The following TXN2 variants were observed in gnomAD, a reference collection of about 807,000 sequenced individuals.
TXN2 encodes the protein thioredoxin 2, also known as thioredoxin, mitochondrial.
A neutral mutation model predicts 14.6 loss-of-function variants in TXN2; 12 were observed. The observed-to-expected ratio is 0.82, with a 90% confidence interval of 0.53 to 1.33. The LOEUF is 1.33. TXN2 is among the 40% of genes most tolerant of loss of function. The pLI is 0.00. For missense variants in TXN2, 173 were observed against 207.7 expected (o/e 0.83, Z 1.03); for synonymous variants, 89 against 81.0 (o/e 1.10, Z -0.53).
intron 2 of TXN2, among the ~76,000 whole-genome samples, chr22:36,479,018 T>C (rs527782385): frequency 1.3e-5 from 2 of 151,640 alleles, no homozygotes; most frequent in Admixed American, 6.6e-5. Flanking sequence ...TCCTAGCACT[T>C]TGGGAGGCCA....
intron 3 of TXN2, among the ~76,000 whole-genome samples, chr22:36,474,447 G>A (rs1912777273): frequency 6.6e-6 from 1 of 152,160 alleles, no homozygotes; most frequent in African/African-American, 2.4e-5. Flanking sequence ...TTCAGGGATG[G>A]GTGCCTCTAT....
chr22:36,469,959 C>G (rs1037744353), intron 3 of TXN2, among the ~76,000 whole-genome samples: 3 of 152,036 alleles, frequency 2.0e-5, no homozygotes, highest in East Asian at 1.9e-4. Flanking sequence ...CTGTTCCCCC[C>G]CTCAAAATAA....
intron 3 of TXN2, among the ~76,000 whole-genome samples, chr22:36,469,561 G>A (rs1156347739): frequency 6.6e-6 from 1 of 152,174 alleles, no homozygotes; most frequent in Non-Finnish European, 1.5e-5. Context: ...AGGTTATGTG[G>A]AACGTGGATG....
At chr22:36,469,057 AATAAATAAATAAATAC>A (rs1182691694) in intron 3 of TXN2, among the ~76,000 whole-genome samples, 10 of 148,174 alleles carry the variant, frequency 6.7e-5, no homozygotes, top group African/African-American at 2.6e-4. Flanking sequence ...TAAATAAATA[AATAAATAAATAAATAC>A]ATAAATAAAG....
intron 2 of TXN2, among the ~76,000 whole-genome samples, chr22:36,478,156 A>G (rs1361528395): frequency 6.9e-6 from 1 of 144,752 alleles, no homozygotes; most frequent in African/African-American, 2.5e-5. Flanking sequence ...AAAAAAAAAG[A>G]GAAAGTGTTT....
rs368576238 is a variant in TXN2 at position 36,480,773 on chromosome 22, C to A, written c.65G>T (p.Gly22Val). ...TCTGGAAGTGAGGGGTGGCCACTGA[C>A]CCTGAGAGGGCTTCCTGGAGATGAC... ...ASVISRKPSQ[G>V]QWPPLTSRAL... The change falls in exon 2 of 4, where the codon GGT becomes GTT. Residue 22 changes from glycine to valine, a missense_variant. Physicochemically the swap from Gly to Val is moderately radical, Grantham distance 109. Coordinates refer to ENST00000216185, the MANE Select transcript of TXN2 (RefSeq NM_012473.4). The A allele has an allele frequency of 1.9e-6, 3 of 1,612,828 alleles. No individual in the cohort carries two copies. Among genetic ancestry groups the A allele is most frequent in the Non-Finnish European group, 2.5e-6 (3 of 1,179,244 alleles).
chr22:36,476,233 GAA>G (rs1933382636), intron 3 of TXN2, among the ~76,000 whole-genome samples: 1 of 152,180 alleles, frequency 6.6e-6, no homozygotes, highest in African/African-American at 2.4e-5. Flanking sequence ...TAAAGGTGGT[GAA>G]GAGAGACAGG....
intron 3 of TXN2, among the ~76,000 whole-genome samples, chr22:36,474,114 G>T (rs2145823417): frequency 6.6e-6 from 1 of 152,330 alleles, no homozygotes; most frequent in East Asian, 1.9e-4. Context: ...AGCCAGGCAG[G>T]GGAAAGCCAG....
rs1474419515 is a variant in TXN2, at chr22:36,480,615, C to T, written c.223G>A (p.Val75Ile). The T allele has an allele frequency of 6.2e-7, 1 of 1,614,088 alleles. No homozygotes were observed. Among genetic ancestry groups the T allele is most frequent in the Admixed American group, 1.7e-5 (1 of 60,024 alleles). Residue 75 changes from valine (V) to isoleucine (I), a missense_variant, in exon 2 of 4, where the codon GTC (valine) becomes ATC (isoleucine). By Grantham distance (29) the Val-to-Ile change is conservative. Transcript: ENST00000216185. The stretch of plus-strand genomic sequence containing the variant: ...ACAACCACTGGTGTCTCACTGTTGA[C>T]CACTCGGTCTTGAAAGTCAGGTCCA... ...QDGPDFQDRV[V>I]NSETPVVVDF... is the part of the protein sequence containing the mutation.
At position 36,467,809 on chromosome 22, in the gene TXN2, C is replaced by T. The variant is rs750300163; in HGVS notation, c.496G>A (p.Gly166Ser). 6.2e-7 allele frequency: 1 copy of T among 1,613,444 alleles called. No individual in the cohort carries two copies. ...CCAGGACTCATCCCTGCTTGTCAGC[C>T]AATCAGCTTCTTCAGGAAGGCCTCC... Reference protein sequence around the residue: ...QLEAFLKKLIG With the variant: ...QLEAFLKKLIS Residue 166 changes from glycine (G) to serine (S), a missense_variant, in exon 4 of 4, where the codon GGC becomes AGC. Coordinates refer to ENST00000216185, the MANE Select transcript of TXN2 (RefSeq NM_012473.4).
chr22:36,474,705 G>A (rs1933350864), intron 3 of TXN2, among the ~76,000 whole-genome samples: 1 of 152,190 alleles, frequency 6.6e-6, no homozygotes, highest in Non-Finnish European at 1.5e-5. Context: ...TGTGAGCCAG[G>A]TTGGGCCCAG....
chr22:36,467,682 G>T lies in TXN2; in HGVS notation c.*122C>A. 1 of 834,852 alleles carries T rather than the reference G, an allele frequency of 1.2e-6. No individual in the cohort carries two copies. 51.7% of individuals were successfully genotyped at this position (834,852 alleles called of 1,614,324 possible). On this transcript the variant is annotated 3_prime_UTR_variant, in exon 4 of 4. Coordinates refer to ENST00000216185, the MANE Select transcript of TXN2 (RefSeq NM_012473.4). ...TCGGAAGCACTCAGGGCTGGAGCCT[G>T]GGCTCTAAGCATGGGCCCCAGGAGC...
chr22:36,471,865 G>A (rs1214076460), intron 3 of TXN2, among the ~76,000 whole-genome samples: 2 of 152,072 alleles, frequency 1.3e-5, no homozygotes, highest in African/African-American at 4.8e-5. Context: ...AGCACTTTGG[G>A]AGGCTGAGGC....
intron 2 of TXN2, 76 bp from the exon 3 acceptor site, chr22:36,476,932 A>G: frequency 6.3e-7 from 1 of 1,586,722 alleles, no homozygotes; most frequent in Non-Finnish European, 8.6e-7. Context: ...CCAGACCTGC[A>G]TCTTTCCAAG....
chr22:36,479,498 A>AT (rs1429988454), intron 2 of TXN2, among the ~76,000 whole-genome samples: 3 of 151,722 alleles, frequency 2.0e-5, no homozygotes, highest in African/African-American at 7.3e-5. Context: ...CGCCCGATTA[A>AT]TTTTTGTATT....
At chr22:36,478,906 TG>T (rs1020076486) in intron 2 of TXN2, among the ~76,000 whole-genome samples, 18 of 152,116 alleles carry the variant, frequency 1.2e-4, no homozygotes, top group African/African-American at 4.3e-4. Context: ...GTGAGCTGAC[TG>T]AACCACTGCA....
chr22:36,468,618 G>A (rs774661704), intron 3 of TXN2: 7 of 445,634 alleles, frequency 1.6e-5, no homozygotes, highest in African/African-American at 2.0e-5. Flanking sequence ...TCCCATACTC[G>A]GGAGGCTGAG....
At chr22:36,476,477 A>C (rs1933388787) in intron 3 of TXN2, among the ~76,000 whole-genome samples, 1 of 152,088 alleles carries the variant, frequency 6.6e-6, no homozygotes, top group Non-Finnish European at 1.5e-5. Flanking sequence ...CTGTAGTCCC[A>C]GCTACTTGGG....
At chr22:36,473,727 G>A (rs1192718441) in intron 3 of TXN2, among the ~76,000 whole-genome samples, 1 of 152,220 alleles carries the variant, frequency 6.6e-6, no homozygotes, top group Non-Finnish European at 1.5e-5. Context: ...TCCCCAGGCA[G>A]TGGACAGGGC....
Sources: gnomAD v4.1 joint callset for allele counts (sites outside exome capture counted in the v4.1 genomes callset) on GRCh38, gnomAD v4.1.1 for gene constraint, MANE v1.5 for transcripts, NCBI Gene and HGNC (gene_info 2026-07-23, HGNC 2026-07-21) for gene names.